The following SLC24A2 variants were observed in gnomAD, a reference collection of about 807,000 sequenced individuals.
SLC24A2 encodes the protein solute carrier family 24 member 2.
SLC24A2 carries 36 observed loss-of-function variants against 62.0 expected under a neutral mutation model. The observed-to-expected ratio is 0.58, with a 90% CI of 0.44 to 0.77. SLC24A2 has a LOEUF of 0.77. SLC24A2 is among the 30% of genes least tolerant of loss of function. The probability of loss-of-function intolerance (pLI) is 0.00; values close to 1 mark genes in which losing one functional copy is unlikely to be tolerated. For missense variants in SLC24A2, 846 were observed against 817.9 expected (o/e 1.03, Z -0.42); for synonymous variants, 358 against 294.0 (o/e 1.22, Z -2.23).
chr9:19,702,223 C>A (rs898379050), intron 2 of SLC24A2, among the ~76,000 whole-genome samples: 1 of 152,178 alleles, frequency 6.6e-6, no homozygotes, highest in Non-Finnish European at 1.5e-5. Flanking sequence ...CCCATGAATG[C>A]AGGTTTTAGT....
chr9:19,662,610 A>G lies in SLC24A2; in HGVS notation c.931-40311T>C, dbSNP rs975150287. 2.0e-5 allele frequency among the ~76,000 whole-genome samples: 3 copies of G among 152,134 alleles called. No individual in the cohort carries two copies. The East Asian group carries it at 5.8e-4, about 29-fold the overall frequency. ...GAAGGAGTGTGCTTTAATTTTCCGC[A>G]GAGTACACTGAGATGCTTGTAGTCC... On this transcript the variant is annotated intron_variant, in intron 2 of 10. Transcript: ENST00000341998.
intron 8 of SLC24A2, among the ~76,000 whole-genome samples, chr9:19,531,115 C>A (rs540204337): frequency 1.3e-5 from 2 of 152,206 alleles, no homozygotes; most frequent in Non-Finnish European, 2.9e-5. Context: ...CCTCGCCCAA[C>A]CTCCCATGTT....
chr9:20,279,754 A>G, the SLC24A2 span, among the ~76,000 whole-genome samples: 1 of 151,956 alleles, frequency 6.6e-6, no homozygotes, highest in Non-Finnish European at 1.5e-5. Context: ...GGGTAGAAAA[A>G]TTTTTCCTTG....
At chr9:20,160,537 T>A in the SLC24A2 span, among the ~76,000 whole-genome samples, 1 of 151,412 alleles carries the variant, frequency 6.6e-6, no homozygotes, top group Admixed American at 6.6e-5. Context: ...TGGTAGTTTA[T>A]AAAGTATCAA....
upstream of SLC24A2, among the ~76,000 whole-genome samples, chr9:19,790,098 T>C (rs1313404326): frequency 6.7e-6 from 1 of 149,918 alleles, no homozygotes; most frequent in Non-Finnish European, 1.5e-5. Context: ...AAGACTCAAC[T>C]TTTCTTTTTC....
chr9:19,835,699 T>C, the SLC24A2 span, among the ~76,000 whole-genome samples: 1 of 152,128 alleles, frequency 6.6e-6, no homozygotes, highest in Admixed American at 6.5e-5. Flanking sequence ...TATCCAATGA[T>C]TCAACTCAGC....
chr9:20,185,727 T>C, the SLC24A2 span, among the ~76,000 whole-genome samples: 1 of 151,466 alleles, frequency 6.6e-6, no homozygotes, highest in Non-Finnish European at 1.5e-5. Context: ...TCAGATCTAC[T>C]GAAGGCGGTC....
chr9:19,585,238 T>C (rs1836338037), intron 5 of SLC24A2, among the ~76,000 whole-genome samples: 1 of 152,258 alleles, frequency 6.6e-6, no homozygotes, highest in South Asian at 2.1e-4. Flanking sequence ...TAGTATTCAA[T>C]TATTTATTTA....
chr9:20,184,464 A>G, the SLC24A2 span, among the ~76,000 whole-genome samples: 7 of 152,268 alleles, frequency 4.6e-5, no homozygotes, highest in South Asian at 1.4e-3. Flanking sequence ...CAGGAGAATC[A>G]CTTGAACTCA....
intron 2 of SLC24A2, among the ~76,000 whole-genome samples, chr9:19,678,949 C>T (rs532978579): frequency 9.2e-5 from 14 of 152,294 alleles, no homozygotes; most frequent in South Asian, 2.1e-4. Context: ...ACAAAAGACA[C>T]GCAAGTGAAG....
the SLC24A2 span, among the ~76,000 whole-genome samples, chr9:20,253,522 G>A: frequency 6.6e-6 from 1 of 152,158 alleles, no homozygotes; most frequent in Admixed American, 6.5e-5. Context: ...ATGATCCAGG[G>A]CAGGGTTCTC....
chr9:19,782,003 A>T (rs1823032715), intron 2 of SLC24A2, among the ~76,000 whole-genome samples: 1 of 152,240 alleles, frequency 6.6e-6, no homozygotes, highest in African/African-American at 2.4e-5. Flanking sequence ...GAAACACACA[A>T]ACTGAATAAA....
chr9:19,827,417 T>C, the SLC24A2 span, among the ~76,000 whole-genome samples: 2 of 152,046 alleles, frequency 1.3e-5, no homozygotes, highest in African/African-American at 4.8e-5. Context: ...CTCTGAAAAG[T>C]TACCCTAGTT....
intron 2 of SLC24A2, among the ~76,000 whole-genome samples, chr9:19,715,335 T>C (rs893122639): frequency 6.6e-6 from 1 of 152,326 alleles, no homozygotes; most frequent in African/African-American, 2.4e-5. Context: ...TGATCAAAGA[T>C]ATTAACCCTG....
chr9:19,798,346 T>G, the SLC24A2 span, among the ~76,000 whole-genome samples: 128,919 of 152,098 alleles, frequency 0.85, 55,244 homozygotes, highest in Non-Finnish European at 0.92. Context: ...TTTCCCAACT[T>G]TATAGAACAA....
chr9:19,848,530 G>T, the SLC24A2 span, among the ~76,000 whole-genome samples: 1 of 152,158 alleles, frequency 6.6e-6, no homozygotes, highest in Non-Finnish European at 1.5e-5. Flanking sequence ...GTAAAGTATT[G>T]TGTGTAAATG....
chr9:20,105,924 G>A, the SLC24A2 span, among the ~76,000 whole-genome samples: 12 of 152,018 alleles, frequency 7.9e-5, no homozygotes, highest in Admixed American at 3.9e-4. Context: ...TTTTTTGAAA[G>A]GATCAACAAA....
chr9:20,284,834 A>G, the SLC24A2 span, among the ~76,000 whole-genome samples: 1 of 152,106 alleles, frequency 6.6e-6, no homozygotes, highest in Non-Finnish European at 1.5e-5. Flanking sequence ...AATAGAAACA[A>G]AAGGATTGTT....
At chr9:19,976,320 G>A in the SLC24A2 span, among the ~76,000 whole-genome samples, 1 of 152,238 alleles carries the variant, frequency 6.6e-6, no homozygotes, top group African/African-American at 2.4e-5. Context: ...GGAGGGGCCT[G>A]GTGGGAGGTG....
Sources: gnomAD v4.1 joint callset for allele counts (sites outside exome capture counted in the v4.1 genomes callset) on GRCh38, gnomAD v4.1.1 for gene constraint, MANE v1.5 for transcripts, NCBI Gene and HGNC (gene_info 2026-07-23, HGNC 2026-07-21) for gene names.